ULK2: variants seen among roughly 807,000 people sequenced by gnomAD.
ULK2 encodes serine/threonine-protein kinase ULK2.
In ULK2, 76 loss-of-function variants were observed where a neutral mutation model predicts 127.5. That is an observed-to-expected ratio of 0.60 (90% CI 0.50 to 0.72). The LOEUF (loss-of-function observed/expected upper bound fraction) is 0.72. ULK2 is among the 30% of genes least tolerant of loss of function. The pLI is 0.00. For missense variants in ULK2, 1,144 were observed against 1,295.9 expected (o/e 0.88, Z 1.80); for synonymous variants, 452 against 461.9 (o/e 0.98, Z 0.28).
intron 20 of ULK2, among the ~76,000 whole-genome samples, chr17:19,786,533 G>C (rs1484654970): frequency 6.6e-6 from 1 of 152,020 alleles, no homozygotes; most frequent in Non-Finnish European, 1.5e-5. Context: ...GGCCAACGTG[G>C]TGAAACCCTG....
intron 5 of ULK2, chr17:19,848,365 G>A (rs1010381124): frequency 2.0e-5 from 3 of 152,158 alleles, no homozygotes; most frequent in Admixed American, 6.5e-5. Flanking sequence ...GTAAATAAGA[G>A]AGAAATAACA....
At position 19,783,775 on chromosome 17, in the gene ULK2, A is replaced by G. The variant is rs2086969967; in HGVS notation, c.2382T>C (p.Pro794=). 1 of 1,602,486 alleles carries G rather than the reference A, an allele frequency of 6.2e-7. No individual in the cohort carries two copies. Among genetic ancestry groups the G allele is most frequent in the African/African-American group, 1.3e-5 (1 of 74,508 alleles). ...AEAAPSLRYV[P]YGASPPSLEG... is the part of the protein sequence containing the mutation. ...CTAGGCTGGGGGGTGAAGCACCGTA[A>G]GGCACGTATCTCAGGCTGGGAGCTG... Residue 794 remains proline (P), a synonymous_variant, in exon 22 of 27, where the codon CCT becomes CCC. Transcript: ENST00000395544.
chr17:19,852,437 T>G (rs1225155525), intron 3 of ULK2, among the ~76,000 whole-genome samples: 2 of 141,116 alleles, frequency 1.4e-5, no homozygotes, highest in African/African-American at 2.7e-5. Context: ...AGGAGAATAG[T>G]GTGAACCCAG....
At chr17:19,862,097 C>CT (rs533721146) in intron 3 of ULK2, among the ~76,000 whole-genome samples, 52 of 149,422 alleles carry the variant, frequency 3.5e-4, no homozygotes, top group African/African-American at 9.3e-4. Flanking sequence ...CATCCTTTTT[C>CT]TTTTTTTTTT....
At chr17:19,850,264 ATGTT>A (rs1245572364) in intron 3 of ULK2, among the ~76,000 whole-genome samples, 1 of 152,038 alleles carries the variant, frequency 6.6e-6, no homozygotes, top group Non-Finnish European at 1.5e-5. Flanking sequence ...TCTGTTTTTT[ATGTT>A]TATTTGGGGC....
chr17:19,822,158 G>C (rs2041165814), intron 12 of ULK2, among the ~76,000 whole-genome samples: 1 of 150,270 alleles, frequency 6.7e-6, no homozygotes, highest in Non-Finnish European at 1.5e-5. Context: ...GCTAATTTTT[G>C]TATTTTTAGT....
rs573245244 is a variant in ULK2, at chr17:19,864,219, G to A, written c.225+584C>T. 1.2e-4 allele frequency among the ~76,000 whole-genome samples: 18 copies of A among 152,302 alleles called. No homozygotes were observed. The South Asian group carries it at 3.3e-3, about 28-fold the overall frequency. ...GCAGTGGCTCACGCCTGTAATCCCAGTACTTTGGGAGGCCAAGGTGGGAGG... is the reference window on the plus strand; with the variant it reads ...GCAGTGGCTCACGCCTGTAATCCCAATACTTTGGGAGGCCAAGGTGGGAGG... On this transcript the variant is annotated intron_variant, in intron 3 of 26. Coordinates refer to ENST00000395544, the MANE Select transcript of ULK2 (RefSeq NM_014683.4).
At chr17:19,786,140 G>A (rs988446857) in intron 20 of ULK2, 54 bp from the exon 21 acceptor site, 2 of 1,511,490 alleles carry the variant, frequency 1.3e-6, no homozygotes, top group African/African-American at 2.9e-5. Flanking sequence ...TTTATATCTG[G>A]GAGATGGGAT....
chr17:19,848,071 G>C (rs1035897575), intron 5 of ULK2, among the ~76,000 whole-genome samples: 6 of 151,962 alleles, frequency 3.9e-5, no homozygotes, highest in African/African-American at 1.5e-4. Context: ...GAAAACTTGT[G>C]CTCATTTCAG....
chr17:19,833,739 A>G (rs1026368915), intron 10 of ULK2, among the ~76,000 whole-genome samples: 1 of 152,244 alleles, frequency 6.6e-6, no homozygotes, highest in Admixed American at 6.5e-5. Context: ...CAAGGCTGAG[A>G]ACAGATTAAC....
intron 12 of ULK2, among the ~76,000 whole-genome samples, chr17:19,823,207 A>C (rs1339785612): frequency 1.3e-5 from 2 of 149,956 alleles, no homozygotes; most frequent in South Asian, 2.1e-4. Flanking sequence ...GAATCAAACA[A>C]TATTCCTGCC....
At chr17:19,801,670 T>A (rs2087401712) in intron 16 of ULK2, 107 bp downstream of exon 16, 3 of 1,478,920 alleles carry the variant, frequency 2.0e-6, no homozygotes, top group Non-Finnish European at 9.3e-7. Context: ...TCCAATCAGC[T>A]GAGAATCACT....
At position 19,773,134 on chromosome 17, in the gene ULK2, G is replaced by A. The variant is rs1035792843; in HGVS notation, c.*3215C>T. ...TCCACTAAAAATACGAAAAATAGCT[G>A]AGCGTGGTGGCGCATGTCTGTAATC... On this transcript the variant is annotated 3_prime_UTR_variant, in exon 27 of 27. Coordinates refer to ENST00000395544, the MANE Select transcript of ULK2 (RefSeq NM_014683.4). 1.3e-5 allele frequency: 2 copies of A among 152,184 alleles called. No homozygotes were observed. The highest frequency in any genetic ancestry group is 1.5e-5 in the Non-Finnish European group (1 of 68,082). 9.4% of individuals were successfully genotyped at this position (152,184 alleles called of 1,614,324 possible). A position where few individuals can be genotyped will look rare whatever the true frequency, so the allele number is the denominator to read the frequency against.
intron 12 of ULK2, among the ~76,000 whole-genome samples, chr17:19,821,093 G>A (rs961577609): frequency 5.3e-5 from 8 of 152,200 alleles, no homozygotes; most frequent in African/African-American, 1.9e-4. Context: ...GATAACCTGA[G>A]ATCAGGAGTT....
chr17:19,851,008 A>G (rs2042001825), intron 3 of ULK2, among the ~76,000 whole-genome samples: 1 of 151,778 alleles, frequency 6.6e-6, no homozygotes, highest in African/African-American at 2.4e-5. Context: ...CGGAGAATTC[A>G]TCTCTACTAA....
chr17:19,845,195 C>T, intron 7 of ULK2, 109 bp downstream of exon 7: 2 of 963,506 alleles, frequency 2.1e-6, no homozygotes, highest in Non-Finnish European at 3.2e-6. Context: ...GTAATAACAA[C>T]TTGGACTATA....
chr17:19,800,279 G>A (rs1270539698), intron 16 of ULK2, among the ~76,000 whole-genome samples: 3 of 152,120 alleles, frequency 2.0e-5, no homozygotes, highest in Non-Finnish European at 2.9e-5. Context: ...TATGTTCTAT[G>A]CATCCATTTC....
chr17:19,776,570 A>C (rs1315503105), intron 26 of ULK2, among the ~76,000 whole-genome samples, 163 bp from the exon 27 acceptor site: 1 of 152,102 alleles, frequency 6.6e-6, no homozygotes, highest in African/African-American at 2.4e-5. Context: ...AAAGTGGTAA[A>C]ATTTAGGTAA....
chr17:19,780,675 A>T (rs751312304), intron 24 of ULK2, 46 bp from the exon 25 acceptor site: 130 of 1,550,762 alleles, frequency 8.4e-5, no homozygotes, highest in Non-Finnish European at 6.4e-5. Flanking sequence ...TTCCTCCAGA[A>T]ATAAAGACAC....
Sources: gnomAD v4.1 joint callset for allele counts (sites outside exome capture counted in the v4.1 genomes callset) on GRCh38, gnomAD v4.1.1 for gene constraint, MANE v1.5 for transcripts, NCBI Gene and HGNC (gene_info 2026-07-23, HGNC 2026-07-21) for gene names.